UBR3: variants seen among roughly 807,000 people sequenced by gnomAD.
The protein encoded by UBR3 is E3 ubiquitin-protein ligase UBR3.
A neutral mutation model predicts 243.2 loss-of-function variants in UBR3; 85 were observed. The observed-to-expected ratio is 0.35, with a 90% confidence interval of 0.29 to 0.42. The LOEUF is 0.42. Among genes scored for constraint, UBR3 ranks in the 10% least tolerant of loss-of-function variants. The pLI, the probability that UBR3 is intolerant of heterozygous loss-of-function variation, is 1.00. For synonymous variants in UBR3, 748 were observed against 799.8 expected (o/e 0.94, Z 1.09); for missense variants, 1,686 against 2,300.8 (o/e 0.73, Z 5.47).
intron 19 of UBR3, among the ~76,000 whole-genome samples, chr2:169,938,803 C>A (rs1164950083): frequency 6.6e-6 from 1 of 152,100 alleles, no homozygotes; most frequent in Non-Finnish European, 1.5e-5. Flanking sequence ...GCTTTTACAT[C>A]AAATTCTCTG....
rs1387027962 is a variant in UBR3 at position 169,838,892 on chromosome 2, AAC to A, written c.545+10844_545+10845del. Among the ~76,000 whole-genome samples the A allele has an allele frequency of 2.6e-5, 4 of 152,334 alleles. No individual in the cohort carries two copies. In the East Asian group the frequency reaches 5.8e-4, roughly 22 times the overall value. On this transcript the variant is annotated intron_variant, in intron 1 of 38. Coordinates refer to ENST00000272793, the MANE Select transcript of UBR3 (RefSeq NM_172070.4). ...AGTCAAACAAGTTACCTGCTTTCAA[AAC>A]ACAGTGTCTACACTGTTGGTGGGAA...
chr2:169,973,434 C>T (rs1343618868), intron 24 of UBR3, among the ~76,000 whole-genome samples: 1 of 150,654 alleles, frequency 6.6e-6, no homozygotes, highest in African/African-American at 2.4e-5. Context: ...TCATATGGAA[C>T]CAAAAAAGAG....
intron 7 of UBR3, 151 bp from the exon 8 acceptor site, chr2:169,896,356 A>C (rs1056081985): frequency 1.9e-6 from 1 of 530,074 alleles, no homozygotes; most frequent in African/African-American, 2.0e-5. Flanking sequence ...AAAGTGAAAG[A>C]CTACCTCACC....
chr2:169,947,372 TG>T, intron 21 of UBR3, 169 bp from the exon 22 acceptor site: 1 of 462,920 alleles, frequency 2.2e-6, no homozygotes, highest in East Asian at 3.6e-5. Flanking sequence ...ATTTTTTGTT[TG>T]AATTTGGTTT....
At chr2:169,860,004 A>C (rs2083034409) in intron 1 of UBR3, among the ~76,000 whole-genome samples, 1 of 152,162 alleles carries the variant, frequency 6.6e-6, no homozygotes, top group African/African-American at 2.4e-5. Flanking sequence ...GGCGTGAGCC[A>C]CCGCACCTGG....
chr2:169,886,472 A>G (rs552692643), intron 5 of UBR3, among the ~76,000 whole-genome samples: 3 of 152,240 alleles, frequency 2.0e-5, no homozygotes, highest in Non-Finnish European at 2.9e-5. Flanking sequence ...TAACTTTCGC[A>G]TATTTCTTGT....
At chr2:170,062,796 CAGA>C (rs1320140408) in intron 35 of UBR3, among the ~76,000 whole-genome samples, 3 of 152,140 alleles carry the variant, frequency 2.0e-5, no homozygotes, top group African/African-American at 7.2e-5. Flanking sequence ...TATGTGGAGG[CAGA>C]AGTTCTTGAG....
intron 31 of UBR3, among the ~76,000 whole-genome samples, chr2:170,039,563 C>T (rs1285621041): frequency 6.6e-6 from 1 of 152,124 alleles, no homozygotes; most frequent in Non-Finnish European, 1.5e-5. Flanking sequence ...AAAAGTTTCT[C>T]AGCAGCAGGG....
intron 31 of UBR3, among the ~76,000 whole-genome samples, chr2:170,030,421 A>AT (rs2090637817): frequency 2.0e-5 from 3 of 152,110 alleles, no homozygotes; most frequent in African/African-American, 4.8e-5. Flanking sequence ...GTTAGGAAAT[A>AT]TTTTTTTAAA....
At chr2:170,057,882 G>A (rs1272956801) in intron 33 of UBR3, among the ~76,000 whole-genome samples, 2 of 152,020 alleles carry the variant, frequency 1.3e-5, no homozygotes, top group Non-Finnish European at 1.5e-5. Context: ...TCTGTAGGTT[G>A]ATTTACTACG....
intron 1 of UBR3, among the ~76,000 whole-genome samples, chr2:169,843,172 A>G (rs1253564643): frequency 6.6e-6 from 1 of 152,216 alleles, no homozygotes; most frequent in Non-Finnish European, 1.5e-5. Context: ...TCTTCGTATC[A>G]ATTTCTGGCT....
chr2:169,964,441 C>G (rs553695396), intron 24 of UBR3: 2 of 469,286 alleles, frequency 4.3e-6, no homozygotes, highest in African/African-American at 4.0e-5. Flanking sequence ...AGCAACGTAC[C>G]CAGAGCAGAT....
At chr2:169,973,218 G>C (rs903406916) in intron 24 of UBR3, among the ~76,000 whole-genome samples, 1 of 123,410 alleles carries the variant, frequency 8.1e-6, no homozygotes, top group African/African-American at 3.1e-5. Flanking sequence ...GGGATGTGAA[G>C]TACTTCTTCA....
intron 31 of UBR3, among the ~76,000 whole-genome samples, chr2:170,030,704 A>G (rs2105423371): frequency 6.6e-6 from 1 of 152,260 alleles, no homozygotes; most frequent in East Asian, 1.9e-4. Context: ...ACATAAAGTA[A>G]CTTTTCCCAT....
intron 1 of UBR3, among the ~76,000 whole-genome samples, chr2:169,867,588 G>A (rs1043892821): frequency 6.6e-6 from 1 of 152,112 alleles, no homozygotes; most frequent in East Asian, 1.9e-4. Flanking sequence ...AATAGATATG[G>A]TCAAGTGCCA....
chr2:169,882,755 AAAG>A (rs2083942231), intron 5 of UBR3, among the ~76,000 whole-genome samples: 1 of 152,018 alleles, frequency 6.6e-6, no homozygotes, highest in Admixed American at 6.6e-5. Flanking sequence ...AGAAAAAAAA[AAAG>A]AAAAGTCATG....
chr2:169,882,365 ATGT>A (rs2083920560), intron 5 of UBR3, among the ~76,000 whole-genome samples: 1 of 140,354 alleles, frequency 7.1e-6, no homozygotes, highest in Admixed American at 7.6e-5. Flanking sequence ...TATATTATAT[ATGT>A]AAATATATAT....
At position 169,827,857 on chromosome 2, in the gene UBR3, C is replaced by T; in HGVS notation, c.350C>T (p.Ala117Val). Reference sequence around the variant, plus strand: ...GCGGCGGTGCGGGCCTACGATCCCGCGGCGCTCTGCGGCCTGGTCTGGACA... The same window carrying T: ...GCGGCGGTGCGGGCCTACGATCCCGTGGCGCTCTGCGGCCTGGTCTGGACA... ...FCAAVRAYDP[A>V]ALCGLVWTAN... Residue 117 changes from alanine to valine, a missense_variant, in exon 1 of 39, where the codon GCG becomes GTG. Physicochemically the swap from Ala to Val is moderately conservative, Grantham distance 64. Around this residue, in one of 8 missense-constraint regions of UBR3, gnomAD observed 145 missense variants for 243.8 expected, o/e 0.59. Transcript: ENST00000272793. 1 of 1,504,000 alleles carries T rather than the reference C, an allele frequency of 6.6e-7. No individual in the cohort carries two copies. The highest frequency in any genetic ancestry group is 8.8e-7 in the Non-Finnish European group (1 of 1,131,058). 93.2% of individuals were successfully genotyped at this position (1,504,000 alleles called of 1,614,324 possible).
rs750891980 is a variant in UBR3 at position 170,055,443 on chromosome 2, T to C, written c.4661-17T>C. The C allele has an allele frequency of 3.1e-6, 5 of 1,603,498 alleles. No individual in the cohort carries two copies. In the South Asian group the frequency reaches 5.6e-5, roughly 18 times the overall value. On this transcript the variant is annotated splice_polypyrimidine_tract_variant and intron_variant, in intron 32 of 38. Coordinates refer to ENST00000272793, the MANE Select transcript of UBR3 (RefSeq NM_172070.4). Reference sequence around the variant, plus strand: ...TATCTAGATTCCAAAGAAATAATGATTTTTTTTCTCTTGCAGACCACTTTA... The same window carrying C: ...TATCTAGATTCCAAAGAAATAATGACTTTTTTTCTCTTGCAGACCACTTTA...
Sources: gnomAD v4.1 joint callset for allele counts (sites outside exome capture counted in the v4.1 genomes callset) on GRCh38, gnomAD v4.1.1 for gene constraint, gnomAD v4.1.1 regional missense constraint, MANE v1.5 for transcripts, NCBI Gene and HGNC (gene_info 2026-07-23, HGNC 2026-07-21) for gene names.